Variants in ANK3 observed in about 807,000 individuals in gnomAD.
The protein encoded by ANK3 is ankyrin-3.
Under a neutral mutation model 370.9 loss-of-function variants are expected in ANK3, and 57 were observed. The observed-to-expected ratio is 0.15, with a 90% CI of 0.12 to 0.19. ANK3 has a LOEUF of 0.19. Ranked by LOEUF, ANK3 falls within the 10% of genes least tolerant of loss-of-function variation. ANK3 has a pLI of 1.00. For missense variants in ANK3, 4,439 were observed against 5,302.1 expected (o/e 0.84, Z 5.06); for synonymous variants, 1,929 against 1,946.3 (o/e 0.99, Z 0.23).
intron 28 of ANK3, among the ~76,000 whole-genome samples, chr10:60,101,028 C>G (rs1349229632): frequency 3.3e-5 from 5 of 152,172 alleles, no homozygotes; most frequent in Admixed American, 3.3e-4. Context: ...AGCAATCCCC[C>G]CACCTCAGCC....
intron 42 of ANK3, chr10:60,043,889 G>T (rs1250713845): frequency 1.0e-6 from 1 of 956,170 alleles, no homozygotes; most frequent in Non-Finnish European, 1.2e-6. Context: ...AAAAAAAAAA[G>T]TATGTAACAA....
chr10:60,157,959 A>G (rs2095395813), intron 23 of ANK3, among the ~76,000 whole-genome samples: 1 of 151,318 alleles, frequency 6.6e-6, no homozygotes, highest in Admixed American at 6.6e-5. Context: ...AGATCAGGGT[A>G]GATGATTTAC....
intron 9 of ANK3, among the ~76,000 whole-genome samples, chr10:60,210,383 A>G (rs2096834550): frequency 6.6e-6 from 1 of 152,144 alleles, no homozygotes; most frequent in African/African-American, 2.4e-5. Context: ...TGAAGAATAT[A>G]CGGGGACCAC....
intron 1 of ANK3, among the ~76,000 whole-genome samples, chr10:60,703,528 G>A (rs911551519): frequency 6.6e-6 from 1 of 152,074 alleles, no homozygotes; most frequent in South Asian, 2.1e-4. Flanking sequence ...CAACCACAGC[G>A]TTTGGTTTCT....
In ANK3 at chr10:60,246,750, A is replaced by G. The variant is rs183675525; in HGVS notation, c.799-11964T>C. ...AGGGCTCCCTTTGAATTAATAGAGG[A>G]TGGCTCATCAACAATTCAGATAAGG... On this transcript the variant is annotated intron_variant, in intron 7 of 43. Transcript: ENST00000280772. 4.0e-3 allele frequency among the ~76,000 whole-genome samples: 615 copies of G among 152,302 alleles called. 15 individuals carry two copies. The highest frequency in any genetic ancestry group is 1.2e-3 in the Non-Finnish European group (83 of 68,030).
At chr10:60,047,607 G>A (rs1376430443) in intron 42 of ANK3, among the ~76,000 whole-genome samples, 8 of 152,268 alleles carry the variant, frequency 5.3e-5, no homozygotes, top group Middle Eastern at 3.4e-3. Context: ...CTTACCATAC[G>A]TTTGAACTGC....
At chr10:60,466,768 GA>G (rs2065021217) in intron 2 of ANK3, among the ~76,000 whole-genome samples, 1 of 152,136 alleles carries the variant, frequency 6.6e-6, no homozygotes, top group South Asian at 2.1e-4. Flanking sequence ...CAACATAGAT[GA>G]ACCTTGAAAA....
chr10:60,210,978 C>A (rs1252627095), intron 9 of ANK3, among the ~76,000 whole-genome samples: 3 of 152,100 alleles, frequency 2.0e-5, no homozygotes, highest in Non-Finnish European at 4.4e-5. Flanking sequence ...TCTGATGTTA[C>A]TGAATGGGGA....
Position 60,345,288 on chromosome 10 carries a change from C to T in ANK3, c.114+44137G>A, listed in dbSNP as rs192945984. Among the ~76,000 whole-genome samples the T allele has an allele frequency of 2.5e-3, 386 of 152,172 alleles. 1 individual carries two copies. The highest frequency in any genetic ancestry group is 4.0e-3 in the Non-Finnish European group (274 of 67,978). ...TTCATGTAACTCATTCTAGGTTTTTCCCATTTCGTGCATGTGTGTATGTGT... is the reference window on the plus strand; with the variant it reads ...TTCATGTAACTCATTCTAGGTTTTTTCCATTTCGTGCATGTGTGTATGTGT... On this transcript the variant is annotated intron_variant, in intron 1 of 43. Coordinates refer to ENST00000280772, the MANE Select transcript of ANK3 (RefSeq NM_020987.5).
intron 1 of ANK3, among the ~76,000 whole-genome samples, chr10:60,631,267 G>C (rs554612399): frequency 6.6e-6 from 1 of 151,994 alleles, no homozygotes; most frequent in African/African-American, 2.4e-5. Context: ...GGTGGCTCAC[G>C]CCTGTAATCC....
intron 2 of ANK3, among the ~76,000 whole-genome samples, chr10:60,591,555 C>G (rs1461615565): frequency 6.6e-6 from 1 of 151,988 alleles, no homozygotes; most frequent in Non-Finnish European, 1.5e-5. Context: ...CCATATGATC[C>G]AGCAATCCCA....
intron 37 of ANK3, among the ~76,000 whole-genome samples, 174 bp downstream of exon 37, chr10:60,068,463 C>T (rs149494327): frequency 2.6e-5 from 4 of 152,294 alleles, no homozygotes; most frequent in East Asian, 1.9e-4. Flanking sequence ...AGAGTATATA[C>T]GACAGCACAT....
upstream of ANK3, among the ~76,000 whole-genome samples, chr10:60,390,271 CTTG>C (rs1390679840): frequency 1.3e-5 from 2 of 152,140 alleles, no homozygotes; most frequent in South Asian, 2.1e-4. Flanking sequence ...TACAGAAGGG[CTTG>C]TTGTCTTTTA....
intron 23 of ANK3, chr10:60,144,308 G>A (rs2094707031): frequency 2.7e-6 from 1 of 366,506 alleles, no homozygotes; most frequent in African/African-American, 2.2e-5. Flanking sequence ...TAATAAATTA[G>A]AGTTAGCTCT....
rs555892455 is a variant in ANK3 at position 60,636,021 on chromosome 10, T to G, written c.58-20797A>C. 3.9e-5 allele frequency among the ~76,000 whole-genome samples: 6 copies of G among 152,290 alleles called. No individual in the cohort carries two copies. In the South Asian group the frequency reaches 1.2e-3, roughly 32 times the overall value. ...AAGCTTCAATATCTGCTAAGATAAA[T>G]GAAAAGTAGCCCAATAAATTCTGCT... On this transcript the variant is annotated intron_variant, in intron 1 of 43. Transcript: ENST00000373827.
intron 2 of ANK3, among the ~76,000 whole-genome samples, chr10:60,591,303 TTTTATTTATTTATTTA>T (rs79060296): frequency 6.5e-4 from 89 of 137,584 alleles, no homozygotes; most frequent in Admixed American, 1.5e-3. Context: ...TTTATTTTTA[TTTTATTTATTTATTTA>T]TTTATTTATT....
intron 4 of ANK3, among the ~76,000 whole-genome samples, chr10:60,277,833 A>G (rs564816080): frequency 6.6e-6 from 1 of 152,300 alleles, no homozygotes; most frequent in African/African-American, 2.4e-5. Flanking sequence ...GGAGACAATG[A>G]CAAATAAGGA....
intron 8 of ANK3, 54 bp from the exon 9 acceptor site, chr10:60,213,564 G>A (rs2096889195): frequency 4.1e-6 from 5 of 1,213,202 alleles, no homozygotes; most frequent in Non-Finnish European, 5.9e-6. Flanking sequence ...TTCTATGAGT[G>A]CAGTGTACTT....
chr10:60,436,731 C>A (rs911178794), intron 2 of ANK3, among the ~76,000 whole-genome samples: 1 of 152,200 alleles, frequency 6.6e-6, no homozygotes, highest in Non-Finnish European at 1.5e-5. Flanking sequence ...AGGTGATCCG[C>A]AAATATATCT....
Sources: gnomAD v4.1 joint callset for allele counts (sites outside exome capture counted in the v4.1 genomes callset) on GRCh38, gnomAD v4.1.1 for gene constraint, MANE v1.5 for transcripts, NCBI Gene and HGNC (gene_info 2026-07-23, HGNC 2026-07-21) for gene names.